ANKRD16: variants seen among roughly 807,000 people sequenced by gnomAD.
ANKRD16 encodes the protein ankyrin repeat domain-containing protein 16.
In ANKRD16, 35 loss-of-function variants were observed where a neutral mutation model predicts 37.9. The observed-to-expected ratio is 0.92, with a 90% CI of 0.71 to 1.23. The LOEUF (loss-of-function observed/expected upper bound fraction) is 1.23. Among genes scored for constraint, ANKRD16 ranks in the 50% most tolerant of loss-of-function variants. The pLI, the probability that ANKRD16 is intolerant of heterozygous loss-of-function variation, is 0.00. For synonymous variants in ANKRD16, 206 were observed against 197.2 expected (o/e 1.04, Z -0.37); for missense variants, 480 against 469.9 (o/e 1.02, Z -0.20).
chr10:5,875,564 G>C (rs1589018268), intron 7 of ANKRD16, among the ~76,000 whole-genome samples: 1 of 152,190 alleles, frequency 6.6e-6, no homozygotes, highest in South Asian at 2.1e-4. Context: ...TGTAGGTAAA[G>C]ACCCAAAGGA....
chr10:5,887,775 G>T, intron 2 of ANKRD16, 72 bp downstream of exon 2: 1 of 1,232,942 alleles, frequency 8.1e-7, no homozygotes, highest in African/African-American at 1.6e-5. Context: ...ACCTGAACAA[G>T]ATGCGGTTGG....
At chr10:5,887,782 T>C (rs973464547) in intron 2 of ANKRD16, 65 bp downstream of exon 2, 74 of 1,303,292 alleles carry the variant, frequency 5.7e-5, no homozygotes, top group Non-Finnish European at 7.5e-5. Flanking sequence ...CAAGATGCGG[T>C]TGGGCAGTGC....
intron 1 of ANKRD16, among the ~76,000 whole-genome samples, chr10:5,888,789 A>G (rs1842508196): frequency 2.0e-5 from 3 of 152,206 alleles, no homozygotes; most frequent in Non-Finnish European, 2.9e-5. Context: ...TATATTCTAC[A>G]CTATTCCGTG....
chr10:5,887,912 A>C lies in ANKRD16; in HGVS notation c.470T>G (p.Leu157Arg), dbSNP rs1564420669. The C allele has an allele frequency of 6.2e-7, 1 of 1,614,196 alleles. No individual in the cohort carries two copies. Among genetic ancestry groups the C allele is most frequent in the East Asian group, 2.2e-5 (1 of 44,892 alleles). Residue 157 changes from leucine (L) to arginine (R), a missense_variant, in exon 2 of 8, where the codon CTC becomes CGC. Transcript: ENST00000380094. ...CTTCCAGGCACCTGGGCAAACAGTG[A>C]GCAGGTACTGGAGGATCAGAGGGTC... ...EGDPLILQYL[L>R]TVCPGAWKTE...
chr10:5,870,559 C>T lies in ANKRD16; in HGVS notation c.*33+7538G>A, dbSNP rs1842072892. 6.6e-6 allele frequency among the ~76,000 whole-genome samples: 1 copy of T among 152,266 alleles called. No homozygotes were observed. Among genetic ancestry groups the T allele is most frequent in the Non-Finnish European group, 1.5e-5 (1 of 68,022 alleles). On this transcript the variant is annotated intron_variant, in intron 7 of 7. Transcript: ENST00000380094. The surrounding 1 kb of genome is among the most constrained non-coding windows in gnomAD (Gnocchi z 5.0). Reference sequence around the variant, plus strand: ...GCTGGGACTACAGGCACACCACGCCCAGCTAATTTTTTGTATTTTTTGTAG... The same window carrying T: ...GCTGGGACTACAGGCACACCACGCCTAGCTAATTTTTTGTATTTTTTGTAG...
Position 5,868,805 on chromosome 10 carries a change from C to T in ANKRD16, c.*34-6114G>A, listed in dbSNP as rs1050223903. On this transcript the variant is annotated intron_variant, in intron 7 of 7. Coordinates refer to ENST00000380094, the MANE Select transcript of ANKRD16 (RefSeq NM_019046.3). The surrounding 1 kb of genome is among the most constrained non-coding windows in gnomAD (Gnocchi z 4.9). ...TTCATTCCTTAAGTCAGCAAGACCA[C>T]GAACCCACCAGGAGGAACAAACAAC... Among the ~76,000 whole-genome samples the T allele has an allele frequency of 7.9e-5, 12 of 152,280 alleles. No individual in the cohort carries two copies. The East Asian group carries it at 1.9e-3, about 24-fold the overall frequency.
Position 5,884,064 on chromosome 10 carries a change from G to A in ANKRD16, c.592C>T (p.Pro198Ser). The A allele has an allele frequency of 6.2e-7, 1 of 1,613,944 alleles. No homozygotes were observed. The highest frequency in any genetic ancestry group is 1.1e-5 in the South Asian group (1 of 91,058). ...KVLLKRCQYE[P>S]DYRDNCGVTA... is the part of the protein sequence containing the mutation. ...ACGCCACAGTTGTCTCTGTAGTCTG[G>A]TTCATATTGGCACCTAGAGCCAAAA... is the stretch of plus-strand genomic sequence containing the variant. The change falls in exon 4 of 8, where the codon CCA becomes TCA. Residue 198 changes from proline to serine, a missense_variant. Physicochemically the swap from Pro to Ser is moderately conservative, Grantham distance 74 (BLOSUM62 -1). Transcript: ENST00000380094.
At chr10:5,885,977 C>G (rs934014176) in intron 2 of ANKRD16, among the ~76,000 whole-genome samples, 1 of 152,196 alleles carries the variant, frequency 6.6e-6, no homozygotes, top group African/African-American at 2.4e-5. Flanking sequence ...TGTACACAGC[C>G]AACACTTGAT....
rs556559144 is a variant in ANKRD16 at position 5,881,773 on chromosome 10, C to T, written c.849+1233G>A. Among the ~76,000 whole-genome samples, 33 of 150,480 alleles carry T rather than the reference C, an allele frequency of 2.2e-4. No individual in the cohort carries two copies. In the East Asian group the frequency reaches 5.7e-3, roughly 26 times the overall value. Reference sequence around the variant, plus strand: ...TGCGATCTCGGCTCACTGCAAGCTCCTCCTCCCAGGTTCACACCATTCTCC... The same window carrying T: ...TGCGATCTCGGCTCACTGCAAGCTCTTCCTCCCAGGTTCACACCATTCTCC... On this transcript the variant is annotated intron_variant, in intron 5 of 7. Transcript: ENST00000380094.
At chr10:5,887,173 T>C (rs79784584) in intron 2 of ANKRD16, among the ~76,000 whole-genome samples, 70 of 152,336 alleles carry the variant, frequency 4.6e-4, no homozygotes, top group African/African-American at 1.6e-3. Flanking sequence ...CATTATTATT[T>C]GGTTGATGAG....
At chr10:5,888,851 C>G (rs1247137717) in intron 1 of ANKRD16, among the ~76,000 whole-genome samples, 190 bp downstream of exon 1, 1 of 152,184 alleles carries the variant, frequency 6.6e-6, no homozygotes, top group Non-Finnish European at 1.5e-5. Context: ...AGGGCAGGAA[C>G]GAGGGACTCT....
At chr10:5,872,775 CT>C (rs1202082850) in intron 7 of ANKRD16, among the ~76,000 whole-genome samples, 20 of 151,930 alleles carry the variant, frequency 1.3e-4, no homozygotes, top group Non-Finnish European at 2.6e-4. Context: ...CCAAGATGGT[CT>C]TAATTTCCTG....
chr10:5,888,030 C>T lies in ANKRD16; in HGVS notation c.352G>A (p.Gly118Arg). ...TGTTCCACCAGCTCCTGGATCACCC[C>T]CAGGTTCTTCCTTGTGCAGGCCATC... ...LMMACTRKNL[G>R]VIQELVEHGA... Residue 118 changes from glycine (G) to arginine (R), a missense_variant, in exon 2 of 8, where the codon GGG (glycine) becomes AGG (arginine). Gly to Arg is a moderately radical substitution (Grantham distance 125). Transcript: ENST00000380094. 1 of 1,614,150 alleles carries T rather than the reference C, an allele frequency of 6.2e-7. No individual in the cohort carries two copies. Among genetic ancestry groups the T allele is most frequent in the Non-Finnish European group, 8.5e-7 (1 of 1,180,014 alleles).
intron 3 of ANKRD16, among the ~76,000 whole-genome samples, chr10:5,884,702 A>T (rs1167015858): frequency 6.8e-6 from 1 of 146,822 alleles, no homozygotes; most frequent in Non-Finnish European, 1.5e-5. Flanking sequence ...ATTGCAGTCC[A>T]GCCTGGGTGA....
At chr10:5,879,116 A>G (rs1319727953) in intron 6 of ANKRD16, among the ~76,000 whole-genome samples, 1 of 152,174 alleles carries the variant, frequency 6.6e-6, no homozygotes, top group African/African-American at 2.4e-5. Context: ...TCCTGGGCAG[A>G]GCAGCTGCCC....
rs1464241954 is a variant in ANKRD16 at position 5,862,406 on chromosome 10, C to T, written c.*319G>A. The stretch of plus-strand genomic sequence containing the variant: ...CACCACCTCAATCTGGGCCTGTCTG[C>T]TGTGGCTGGTCAGTTTCACTATCAT... On this transcript the variant is annotated 3_prime_UTR_variant, in exon 8 of 8. Coordinates refer to ENST00000380094, the MANE Select transcript of ANKRD16 (RefSeq NM_019046.3). This position sits in a 1 kb window ranked among gnomAD's most constrained non-coding sequence, Gnocchi z 6.5. The T allele has an allele frequency of 6.9e-6, 3 of 432,754 alleles. No homozygotes were observed. Among genetic ancestry groups the T allele is most frequent in the African/African-American group, 2.0e-5 (1 of 48,792 alleles). The allele number at this position is 432,754 out of a possible 1,614,324, so 26.8% of individuals were successfully genotyped here. A position where few individuals can be genotyped will look rare whatever the true frequency, so the allele number is the denominator to read the frequency against.
intron 4 of ANKRD16, 52 bp downstream of exon 4, chr10:5,883,917 C>T: frequency 2.0e-6 from 3 of 1,531,614 alleles, no homozygotes; most frequent in South Asian, 2.3e-5. Flanking sequence ...TAACCTGTGA[C>T]CTAAAATTTA....
At chr10:5,873,251 C>T (rs11255666) in intron 7 of ANKRD16, among the ~76,000 whole-genome samples, 1,696 of 151,706 alleles carry the variant, frequency 0.011, 35 homozygotes, top group African/African-American at 0.038. Context: ...AGGATGGTCT[C>T]GATCTCCAGA....
Position 5,878,808 on chromosome 10 carries a change from G to C in ANKRD16, c.929-521C>G, listed in dbSNP as rs2761269. Reference sequence around the variant, plus strand: ...CTCAAAAAAAAAAAAAAAAGAAAAAGAAACTTATCTAAAGCAAGAAGCAAC... The same window carrying C: ...CTCAAAAAAAAAAAAAAAAGAAAAACAAACTTATCTAAAGCAAGAAGCAAC... On this transcript the variant is annotated intron_variant, in intron 6 of 7. Transcript: ENST00000380094. This position sits in a 1 kb window ranked among gnomAD's most constrained non-coding sequence, Gnocchi z 5.1. Among the ~76,000 whole-genome samples the C allele has an allele frequency of 6.7e-6, 1 of 149,278 alleles. No individual in the cohort carries two copies. Among genetic ancestry groups the C allele is most frequent in the Non-Finnish European group, 1.5e-5 (1 of 67,530 alleles).
Sources: gnomAD v4.1 joint callset for allele counts (sites outside exome capture counted in the v4.1 genomes callset) on GRCh38, gnomAD v4.1.1 for gene constraint, Gnocchi (gnomAD v3.1) non-coding constraint, MANE v1.5 for transcripts, NCBI Gene and HGNC (gene_info 2026-07-23, HGNC 2026-07-21) for gene names.